The following ATP8A1 variants were observed in gnomAD, a reference collection of about 807,000 sequenced individuals.
ATP8A1 encodes ATPase phospholipid transporting 8A1.
Under a neutral mutation model 177.7 loss-of-function variants are expected in ATP8A1, and 90 were observed. The observed-to-expected ratio is 0.51, with a 90% CI of 0.43 to 0.60. The LOEUF (loss-of-function observed/expected upper bound fraction) is 0.60. ATP8A1 is among the 20% of genes least tolerant of loss of function. ATP8A1 has a pLI of 0.00. For missense variants in ATP8A1, 1,072 were observed against 1,392.8 expected, an observed-to-expected ratio of 0.77 and a Z score of 3.67; for synonymous variants, 493 against 485.9, an observed-to-expected ratio of 1.01 and a Z score of -0.19.
intron 14 of ATP8A1, among the ~76,000 whole-genome samples, chr4:42,570,956 C>T (rs1035464757): frequency 2.6e-5 from 4 of 152,212 alleles, no homozygotes; most frequent in African/African-American, 9.6e-5. Context: ...TTAGCATCCA[C>T]TAAGTGCCAA....
intron 1 of ATP8A1, among the ~76,000 whole-genome samples, chr4:42,635,782 C>CACACATATATAT (rs1553920597): frequency 3.8e-5 from 2 of 51,986 alleles, no homozygotes; most frequent in East Asian, 4.2e-4. Context: ...CACACACACA[C>CACACATATATAT]ATATATATAT....
intron 14 of ATP8A1, among the ~76,000 whole-genome samples, chr4:42,571,822 G>A (rs566221710): frequency 2.0e-5 from 3 of 152,262 alleles, no homozygotes; most frequent in African/African-American, 7.2e-5. Context: ...TGGCAACTAT[G>A]TACAAATCTA....
chr4:42,545,085 G>A (rs1031738641), intron 19 of ATP8A1, among the ~76,000 whole-genome samples: 1 of 151,370 alleles, frequency 6.6e-6, no homozygotes, highest in East Asian at 1.9e-4. Flanking sequence ...GCTCGAACCC[G>A]GGAGGTGGAG....
chr4:42,592,977 A>C (rs935977272), intron 6 of ATP8A1, among the ~76,000 whole-genome samples: 1 of 152,132 alleles, frequency 6.6e-6, no homozygotes, highest in African/African-American at 2.4e-5. Flanking sequence ...TACTTAGTAA[A>C]ACTGAATGGA....
chr4:42,568,129 A>C (rs1415552957), intron 15 of ATP8A1, among the ~76,000 whole-genome samples: 1 of 152,188 alleles, frequency 6.6e-6, no homozygotes, highest in Non-Finnish European at 1.5e-5. Flanking sequence ...ACTTGTGTGT[A>C]AGTGTCAAAA....
At chr4:42,556,124 T>G (rs1244743432) in intron 15 of ATP8A1, 84 bp from the exon 16 acceptor site, 2 of 930,910 alleles carry the variant, frequency 2.1e-6, no homozygotes, top group Admixed American at 2.6e-5. Context: ...ATGAGTAAAG[T>G]GTTATGTCTC....
At chr4:42,538,050 G>T (rs565766404) in intron 20 of ATP8A1, among the ~76,000 whole-genome samples, 1 of 152,140 alleles carries the variant, frequency 6.6e-6, no homozygotes, top group South Asian at 2.1e-4. Flanking sequence ...AAACGGCATG[G>T]TAGTGGTATA....
chr4:42,571,769 T>A (rs1258978821), intron 14 of ATP8A1, among the ~76,000 whole-genome samples: 1 of 152,206 alleles, frequency 6.6e-6, no homozygotes, highest in Non-Finnish European at 1.5e-5. Context: ...AATTTTGCAG[T>A]GCATTCCTAA....
chr4:42,637,244 A>C lies in ATP8A1; in HGVS notation c.50-10135T>G, dbSNP rs1739488950. ...AAGCAGGCTACCTGGAACCTTCCCC[A>C]ACAGGCCCTACTTGCTGGATCAGAT... is the stretch of plus-strand genomic sequence containing the variant. On this transcript the variant is annotated intron_variant, in intron 1 of 36. Transcript: ENST00000381668. 2.7e-5 allele frequency: 14 copies of C among 517,588 alleles called. 1 individual carries two copies. Among genetic ancestry groups the C allele is most frequent in the South Asian group, 2.0e-4 (14 of 71,430 alleles). 32.1% of individuals were successfully genotyped at this position (517,588 alleles called of 1,614,324 possible).
At chr4:42,558,291 T>C (rs1395262831) in intron 15 of ATP8A1, among the ~76,000 whole-genome samples, 1 of 152,188 alleles carries the variant, frequency 6.6e-6, no homozygotes, top group Non-Finnish European at 1.5e-5. Flanking sequence ...CAAATAAAAA[T>C]GCAAGCCAAC....
At position 42,428,298 on chromosome 4, in the gene ATP8A1, G is replaced by A. The variant is rs529010194; in HGVS notation, c.3124-4593C>T. ...CTACTGAGCTCCTAACTTGTGGGTC[G>A]CACAGGCACCTCAAACCTCACACAT... On this transcript the variant is annotated intron_variant, in intron 33 of 36. Coordinates refer to ENST00000381668, the MANE Select transcript of ATP8A1 (RefSeq NM_006095.2). 4.9e-4 allele frequency among the ~76,000 whole-genome samples: 74 copies of A among 152,224 alleles called. 1 individual carries two copies. Among genetic ancestry groups the A allele is most frequent in the African/African-American group, 1.8e-3 (74 of 41,552 alleles).
At chr4:42,474,900 G>C (rs966227389) in intron 25 of ATP8A1, among the ~76,000 whole-genome samples, 1 of 150,752 alleles carries the variant, frequency 6.6e-6, no homozygotes, top group African/African-American at 2.5e-5. Context: ...GAAAGTTAGG[G>C]GGAGAAAAAA....
At chr4:42,503,187 TA>T (rs1724021350) in intron 24 of ATP8A1, among the ~76,000 whole-genome samples, 1 of 152,242 alleles carries the variant, frequency 6.6e-6, no homozygotes, top group South Asian at 2.1e-4. Flanking sequence ...CCTCTTGACA[TA>T]ATGCTTTTGT....
chr4:42,629,601 G>T (rs1738514905), intron 1 of ATP8A1, among the ~76,000 whole-genome samples: 1 of 152,196 alleles, frequency 6.6e-6, no homozygotes, highest in Non-Finnish European at 1.5e-5. Context: ...ATGTTTGAAG[G>T]CCAGAGATTG....
chr4:42,431,149 G>A (rs1259787280), intron 33 of ATP8A1, among the ~76,000 whole-genome samples: 1 of 152,030 alleles, frequency 6.6e-6, no homozygotes, highest in East Asian at 1.9e-4. Flanking sequence ...TTGATTTAAC[G>A]ACTAAGTTAC....
At chr4:42,595,233 T>C (rs1734608538) in intron 6 of ATP8A1, among the ~76,000 whole-genome samples, 1 of 152,118 alleles carries the variant, frequency 6.6e-6, no homozygotes, top group Admixed American at 6.5e-5. Context: ...TGTTTGTTCT[T>C]CCCCCTCCCT....
intron 25 of ATP8A1, among the ~76,000 whole-genome samples, chr4:42,467,846 G>T (rs535595723): frequency 6.6e-6 from 1 of 152,208 alleles, no homozygotes; most frequent in South Asian, 2.1e-4. Context: ...ATTTTTTGAT[G>T]GGATTGTTTT....
At chr4:42,635,831 A>AC (rs1414299990) in intron 1 of ATP8A1, among the ~76,000 whole-genome samples, 2 of 129,720 alleles carry the variant, frequency 1.5e-5, no homozygotes, top group Non-Finnish European at 3.4e-5. Context: ...GTATGTATGT[A>AC]AGCTTCTTAA....
At chr4:42,548,761 G>C (rs1236042653) in intron 19 of ATP8A1, among the ~76,000 whole-genome samples, 1 of 151,988 alleles carries the variant, frequency 6.6e-6, no homozygotes, top group Non-Finnish European at 1.5e-5. Flanking sequence ...TTACCTCCAT[G>C]AGATCAACTT....
Sources: allele counts gnomAD v4.1 joint callset (sites outside exome capture counted in the v4.1 genomes callset), GRCh38; gene constraint gnomAD v4.1.1; transcripts MANE v1.5; gene names NCBI Gene and HGNC (gene_info 2026-07-23, HGNC 2026-07-21).